The following TMOD1 variants were observed in gnomAD, a reference collection of about 807,000 sequenced individuals.
The protein encoded by TMOD1 is tropomodulin-1.
TMOD1 carries 17 observed loss-of-function variants against 40.6 expected under a neutral mutation model. The observed-to-expected ratio is 0.42, with a 90% confidence interval of 0.29 to 0.63. The LOEUF (loss-of-function observed/expected upper bound fraction) is 0.63, where lower values mean the gene tolerates loss of function less well. Among genes scored for constraint, TMOD1 ranks in the 20% least tolerant of loss-of-function variants. The pLI is 0.22. For missense variants in TMOD1, 391 were observed against 447.6 expected, an observed-to-expected ratio of 0.87 and a Z score of 1.14; for synonymous variants, 181 against 175.0, an observed-to-expected ratio of 1.03 and a Z score of -0.27.
rs557270684 is a variant in TMOD1, at chr9:97,564,970, C to A, written c.618+802C>A. On this transcript the variant is annotated intron_variant, in intron 6 of 9. Transcript: ENST00000259365. The stretch of plus-strand genomic sequence containing the variant: ...CCCCACGGCACCATCAGATTGGAAA[C>A]CTGCACCCTAGTGTTCACCCCCACC... 2.0e-5 allele frequency among the ~76,000 whole-genome samples: 3 copies of A among 152,312 alleles called. No homozygotes were observed. The East Asian group carries it at 5.8e-4, about 29-fold the overall frequency.
chr9:97,502,771 T>C lies in TMOD1; in HGVS notation c.-49+968T>C, dbSNP rs147963838. Reference sequence around the variant, plus strand: ...CTAGGAAGTGCACTTTTGGGGTGCCTATGGGCATCTCTCTGCTCCGTAGCC... The same window carrying C: ...CTAGGAAGTGCACTTTTGGGGTGCCCATGGGCATCTCTCTGCTCCGTAGCC... On this transcript the variant is annotated intron_variant, in intron 1 of 9. Coordinates refer to ENST00000259365, the MANE Select transcript of TMOD1 (RefSeq NM_003275.4). This position sits in a 1 kb window ranked among gnomAD's most constrained non-coding sequence, Gnocchi z 6.1. 1.1e-3 allele frequency among the ~76,000 whole-genome samples: 174 copies of C among 152,280 alleles called. No individual in the cohort carries two copies. The highest frequency in any genetic ancestry group is 1.6e-3 in the Non-Finnish European group (107 of 68,014).
chr9:97,531,417 C>A (rs914784568), intron 2 of TMOD1, among the ~76,000 whole-genome samples: 1 of 152,012 alleles, frequency 6.6e-6, no homozygotes, highest in Non-Finnish European at 1.5e-5. Flanking sequence ...TCAAAACCAG[C>A]CTGGCCAACA....
chr9:97,521,836 A>C (rs577257419), intron 1 of TMOD1, among the ~76,000 whole-genome samples: 2 of 152,372 alleles, frequency 1.3e-5, no homozygotes, highest in Non-Finnish European at 1.5e-5. Flanking sequence ...TTACACTGAT[A>C]AAATGTGCTC....
chr9:97,571,396 T>C (rs1360046419), intron 8 of TMOD1, among the ~76,000 whole-genome samples: 1 of 152,234 alleles, frequency 6.6e-6, no homozygotes, highest in East Asian at 1.9e-4. Flanking sequence ...CTCCGTTTCC[T>C]GGCTTGTAAA....
At chr9:97,563,896 C>T in intron 5 of TMOD1, 142 bp from the exon 6 acceptor site, 1 of 1,169,140 alleles carries the variant, frequency 8.6e-7, no homozygotes, top group Non-Finnish European at 1.2e-6. Context: ...TGAGTGGTGC[C>T]CCCTACCCCC....
In TMOD1 at chr9:97,546,204, G is replaced by C. The variant is rs767864969; in HGVS notation, c.140G>C (p.Gly47Ala). 14 of 1,613,332 alleles carry C rather than the reference G, an allele frequency of 8.7e-6. No homozygotes were observed. In the Admixed American group the frequency reaches 2.2e-4, roughly 25 times the overall value. ...ATGTAGAATGCACTGCTGCCTGCAG[G>C]CCTGAGGCAGAAGGATCAGACCACC... is the stretch of plus-strand genomic sequence containing the variant. ...LDPDNALLPAGLRQKDQTTKA... is the reference protein window; with the variant it reads ...LDPDNALLPAALRQKDQTTKA... Residue 47 changes from glycine (G) to alanine (A), a missense_variant, in exon 3 of 10, where the codon GGC becomes GCC. By Grantham distance (60) the Gly-to-Ala change is moderately conservative (BLOSUM62 0). Coordinates refer to ENST00000259365, the MANE Select transcript of TMOD1 (RefSeq NM_003275.4).
intron 9 of TMOD1, among the ~76,000 whole-genome samples, chr9:97,596,588 AC>A (rs1280565066): frequency 6.6e-6 from 1 of 152,196 alleles, no homozygotes; most frequent in East Asian, 1.9e-4. Context: ...CGTGGGCAGG[AC>A]CGGGATTTGA....
At chr9:97,504,345 T>G (rs1277567697) in intron 1 of TMOD1, among the ~76,000 whole-genome samples, 1 of 152,154 alleles carries the variant, frequency 6.6e-6, no homozygotes, top group African/African-American at 2.4e-5. Context: ...TGAAGAAGGC[T>G]CTCAACAGAG....
chr9:97,541,106 T>G (rs1830269358), intron 2 of TMOD1, among the ~76,000 whole-genome samples: 1 of 152,204 alleles, frequency 6.6e-6, no homozygotes, highest in Non-Finnish European at 1.5e-5. Context: ...TATTGAGCAT[T>G]TTTTCATGAG....
chr9:97,515,472 G>T (rs1829790168), intron 1 of TMOD1, among the ~76,000 whole-genome samples: 1 of 151,964 alleles, frequency 6.6e-6, no homozygotes, highest in Non-Finnish European at 1.5e-5. Context: ...TAGAGACAGG[G>T]TTTTGCCATG....
chr9:97,596,797 TCTAC>T (rs1461738956), intron 9 of TMOD1, among the ~76,000 whole-genome samples: 1 of 152,210 alleles, frequency 6.6e-6, no homozygotes, highest in Non-Finnish European at 1.5e-5. Flanking sequence ...CTTCCCATCC[TCTAC>T]CTTTTTGTTG....
chr9:97,536,436 A>G lies in TMOD1; in HGVS notation c.121-9749A>G, dbSNP rs564123605. Among the ~76,000 whole-genome samples the G allele has an allele frequency of 3.5e-3, 531 of 152,082 alleles. 2 individuals carry two copies. The highest frequency in any genetic ancestry group is 5.6e-3 in the Non-Finnish European group (379 of 67,998). On this transcript the variant is annotated intron_variant, in intron 2 of 9. Coordinates refer to ENST00000259365, the MANE Select transcript of TMOD1 (RefSeq NM_003275.4). Reference sequence around the variant, plus strand: ...GAGTCAGCTGGAAGTTCGAAAAGTGAGGCCACTTTGGTTTCACTCCTACCC... The same window carrying G: ...GAGTCAGCTGGAAGTTCGAAAAGTGGGGCCACTTTGGTTTCACTCCTACCC...
At chr9:97,501,264 A>T (rs1829495520), upstream of TMOD1, 1 of 152,126 alleles carries the variant, frequency 6.6e-6, no homozygotes, top group Non-Finnish European at 1.5e-5. Flanking sequence ...CGCTTCAATC[A>T]GAGGTGAAGG....
intron 4 of TMOD1, 28 bp downstream of exon 4, chr9:97,553,428 A>T: frequency 6.2e-7 from 1 of 1,613,914 alleles, no homozygotes; most frequent in Non-Finnish European, 8.5e-7. Flanking sequence ...AGCTTTCCAC[A>T]TCCTCCAGAA....
At chr9:97,595,827 C>A (rs942487266) in intron 9 of TMOD1, among the ~76,000 whole-genome samples, 1 of 152,096 alleles carries the variant, frequency 6.6e-6, no homozygotes, top group South Asian at 2.1e-4. Flanking sequence ...AATCCCAGCA[C>A]TTTGGGAGGC....
intron 8 of TMOD1, among the ~76,000 whole-genome samples, chr9:97,569,282 A>G (rs2131270504): frequency 6.6e-6 from 1 of 152,170 alleles, no homozygotes; most frequent in South Asian, 2.1e-4. Flanking sequence ...CACACTCCTT[A>G]CCAACATCAT....
intron 8 of TMOD1, among the ~76,000 whole-genome samples, chr9:97,570,882 A>G (rs1157974772): frequency 3.9e-5 from 6 of 152,188 alleles, no homozygotes; most frequent in African/African-American, 1.2e-4. Context: ...ACTTTTTTCT[A>G]ATTTATATAA....
intron 4 of TMOD1, chr9:97,555,733 A>C: frequency 6.7e-7 from 1 of 1,488,224 alleles, no homozygotes. Context: ...TCAAGACCTT[A>C]TTGCATTTAT....
At chr9:97,537,307 T>C (rs150709958) in intron 2 of TMOD1, among the ~76,000 whole-genome samples, 33 of 152,368 alleles carry the variant, frequency 2.2e-4, no homozygotes, top group African/African-American at 7.7e-4. Flanking sequence ...TGCACATGTG[T>C]GATCGTGCGT....
Sources: allele counts gnomAD v4.1 joint callset (sites outside exome capture counted in the v4.1 genomes callset), GRCh38; gene constraint gnomAD v4.1.1; non-coding constraint Gnocchi (gnomAD v3.1); transcripts MANE v1.5; gene names NCBI Gene and HGNC (gene_info 2026-07-23, HGNC 2026-07-21).